The following ATR variants were observed in gnomAD, a reference collection of about 807,000 sequenced individuals.
ATR encodes the protein ATR checkpoint kinase, also known as serine/threonine-protein kinase ATR.
Under a neutral mutation model 305.3 loss-of-function variants are expected in ATR, and 142 were observed. The observed-to-expected ratio is 0.47, with a 90% CI of 0.41 to 0.53. The LOEUF is 0.53. ATR is among the 20% of genes least tolerant of loss of function. The probability of loss-of-function intolerance (pLI) is 0.00; values close to 1 mark genes in which losing one functional copy is unlikely to be tolerated. For synonymous variants in ATR, 1,050 were observed against 1,068.1 expected (o/e 0.98, Z 0.33); for missense variants, 2,135 against 3,133.1 (o/e 0.68, Z 7.60).
Position 142,553,875 on chromosome 3 carries a change from T to C in ATR, c.2482A>G (p.Ile828Val). 6.2e-7 allele frequency: 1 copy of C among 1,613,652 alleles called. No individual in the cohort carries two copies. Reference sequence around the variant, plus strand: ...TCCAAGGATTCCAATATGTGCTTGATATTTCCACTAAAAGCCACTCTAACA... The same window carrying C: ...TCCAAGGATTCCAATATGTGCTTGACATTTCCACTAAAAGCCACTCTAACA... ...KDVRVAFSGNIKHILESLDSE... is the reference protein window; with the variant it reads ...KDVRVAFSGNVKHILESLDSE... Residue 828 changes from isoleucine (I) to valine (V), a missense_variant, in exon 11 of 47, where the codon ATC (isoleucine) becomes GTC (valine). Ile to Val is a conservative substitution (Grantham distance 29). Transcript: ENST00000350721.
chr3:142,467,792 T>G (rs1251678964), intron 39 of ATR, 142 bp downstream of exon 39: 3 of 943,540 alleles, frequency 3.2e-6, no homozygotes, highest in Non-Finnish European at 1.5e-6. Context: ...AGACAAATCA[T>G]ACATAATTAA....
At chr3:142,575,699 C>T (rs543377757) in intron 1 of ATR, among the ~76,000 whole-genome samples, 2 of 152,288 alleles carry the variant, frequency 1.3e-5, no homozygotes, top group South Asian at 4.1e-4. Flanking sequence ...GTAGGAAAAT[C>T]AGAGAAGGTG....
chr3:142,574,481 AAAAG>A lies in ATR; in HGVS notation c.59+4161_59+4164del, dbSNP rs1295586977. Among the ~76,000 whole-genome samples the A allele has an allele frequency of 2.0e-5, 3 of 152,002 alleles. No individual in the cohort carries two copies. The East Asian group carries it at 5.8e-4, about 29-fold the overall frequency. On this transcript the variant is annotated intron_variant, in intron 1 of 46. Transcript: ENST00000350721. Reference sequence around the variant, plus strand: ...CTCAAAAAAAAAAAAAAAAAAAGAAAAAAGAAAGAAAACTCACAGGAGTGAGCAC... The same window carrying A: ...CTCAAAAAAAAAAAAAAAAAAAGAAAAAAGAAAACTCACAGGAGTGAGCAC...
chr3:142,571,291 C>T (rs1203376117), intron 1 of ATR, among the ~76,000 whole-genome samples: 1 of 152,030 alleles, frequency 6.6e-6, no homozygotes, highest in Non-Finnish European at 1.5e-5. Context: ...CATGGTGAAA[C>T]CCCATCTCTG....
chr3:142,450,951 A>C (rs530308196), intron 46 of ATR: 2 of 1,208,206 alleles, frequency 1.7e-6, no homozygotes, highest in African/African-American at 3.2e-5. Flanking sequence ...CAGAAAAGAA[A>C]AACCCTTTGC....
rs2108432591 is a variant in ATR, at chr3:142,538,558, C to T, written c.3649G>A (p.Val1217Ile). ...ATGTGTATAAGAGGTAACAAAGCTA[C>T]TATTACATGACTGAGAAGGGAGCCC... is the stretch of plus-strand genomic sequence containing the variant. ...CLGSLLSHVIVALLPLIHIQP... is the reference protein window; with the variant it reads ...CLGSLLSHVIIALLPLIHIQP... The change falls in exon 19 of 47, where the codon GTA (valine) becomes ATA (isoleucine). Residue 1217 changes from valine to isoleucine, a missense_variant. Coordinates refer to ENST00000350721, the MANE Select transcript of ATR (RefSeq NM_001184.4). 6.2e-7 allele frequency: 1 copy of T among 1,613,534 alleles called. No homozygotes were observed. The highest frequency in any genetic ancestry group is 1.1e-5 in the South Asian group (1 of 91,062).
chr3:142,466,197 T>C, intron 40 of ATR, 127 bp downstream of exon 40: 1 of 1,115,482 alleles, frequency 9.0e-7, no homozygotes, highest in Non-Finnish European at 1.3e-6. Context: ...TTTACTCTTC[T>C]GTATTTCCAA....
intron 37 of ATR, 32 bp from the exon 38 acceptor site, chr3:142,469,601 A>G (rs2108279921): frequency 6.4e-7 from 1 of 1,554,692 alleles, no homozygotes; most frequent in African/African-American, 1.4e-5. Context: ...AAAAACAATA[A>G]AGGAAAGAGA....
intron 36 of ATR, among the ~76,000 whole-genome samples, chr3:142,483,078 T>C (rs2030643464): frequency 6.7e-6 from 1 of 149,128 alleles, no homozygotes; most frequent in African/African-American, 2.5e-5. Context: ...CAATCACAGC[T>C]CACCACTGCC....
At position 142,496,964 on chromosome 3, in the gene ATR, T is replaced by C. The variant is rs537319459; in HGVS notation, c.5738+49A>G. ...CAAACACCCCCAAATAATATCCAAATACCAAATTCAAGATAAGTGACATTT... is the reference window on the plus strand; with the variant it reads ...CAAACACCCCCAAATAATATCCAAACACCAAATTCAAGATAAGTGACATTT... On this transcript the variant is annotated intron_variant, in intron 33 of 46. Transcript: ENST00000350721. 7 of 1,556,748 alleles carry C rather than the reference T, an allele frequency of 4.5e-6. No homozygotes were observed. The South Asian group carries it at 4.6e-5, about 10-fold the overall frequency.
At chr3:142,576,546 G>T (rs77954762) in intron 1 of ATR, among the ~76,000 whole-genome samples, 10,505 of 152,216 alleles carry the variant, frequency 0.069, 887 homozygotes, top group African/African-American at 0.2. Context: ...ATGGTGCCAT[G>T]TACTGAGATA....
At chr3:142,546,766 A>C (rs1013460430) in intron 16 of ATR, among the ~76,000 whole-genome samples, 24 of 152,234 alleles carry the variant, frequency 1.6e-4, no homozygotes, top group Non-Finnish European at 5.9e-5. Flanking sequence ...ATTGAATGAT[A>C]CTGAAAGGTT....
chr3:142,561,698 T>G (rs1346118055), intron 4 of ATR, among the ~76,000 whole-genome samples: 1 of 152,164 alleles, frequency 6.6e-6, no homozygotes, highest in Admixed American at 6.5e-5. Context: ...TATAAAAAAT[T>G]CTGTAAGGGA....
intron 34 of ATR, 73 bp from the exon 35 acceptor site, chr3:142,493,384 CA>C: frequency 7.0e-7 from 1 of 1,428,590 alleles, no homozygotes; most frequent in South Asian, 1.3e-5. Context: ...AGTATTAGTT[CA>C]TTATGTTTTT....
chr3:142,482,989 C>CTTTTTTTTTT (rs56912666), intron 36 of ATR, among the ~76,000 whole-genome samples: 1 of 135,686 alleles, frequency 7.4e-6, no homozygotes, highest in Admixed American at 7.4e-5. Flanking sequence ...CCCTTTCTTT[C>CTTTTTTTTTT]TTTTTTTTTT....
At chr3:142,515,261 C>A in intron 25 of ATR, 134 bp downstream of exon 25, 1 of 1,221,888 alleles carries the variant, frequency 8.2e-7, no homozygotes, top group Non-Finnish European at 1.2e-6. Context: ...TATTAGTTAA[C>A]ATTTTCTTCA....
intron 8 of ATR, 73 bp from the exon 9 acceptor site, chr3:142,556,648 A>G: frequency 7.3e-7 from 1 of 1,366,590 alleles, no homozygotes. Context: ...ACATATATAT[A>G]AGTAAAGTAA....
chr3:142,563,802 CA>C (rs1369046405), intron 3 of ATR, among the ~76,000 whole-genome samples: 4 of 152,176 alleles, frequency 2.6e-5, no homozygotes, highest in Admixed American at 6.5e-5. Context: ...ACCAAACAAC[CA>C]ACTTGTTAAA....
intron 36 of ATR, among the ~76,000 whole-genome samples, chr3:142,476,052 C>T (rs930903330): frequency 6.6e-6 from 1 of 152,134 alleles, no homozygotes; most frequent in Admixed American, 6.5e-5. Flanking sequence ...GTTGCCTGTT[C>T]ACTCTGATGG....
Sources: gnomAD v4.1 joint callset for allele counts (sites outside exome capture counted in the v4.1 genomes callset) on GRCh38, gnomAD v4.1.1 for gene constraint, MANE v1.5 for transcripts, NCBI Gene and HGNC (gene_info 2026-07-23, HGNC 2026-07-21) for gene names.